The following COL6A5 variants were observed in gnomAD, a reference collection of about 807,000 sequenced individuals.
COL6A5 encodes collagen type VI alpha 5 chain.
A neutral mutation model predicts 65.6 loss-of-function variants in COL6A5; 48 were observed. The observed-to-expected ratio is 0.73, with a 90% CI of 0.58 to 0.93. COL6A5 has a LOEUF of 0.93. COL6A5 is among the 40% of genes least tolerant of loss of function. COL6A5 has a pLI of 0.00. For synonymous variants in COL6A5, 291 were observed against 322.8 expected (o/e 0.90, Z 1.05); for missense variants, 914 against 928.3 (o/e 0.98, Z 0.20).
intron 29 of COL6A5, among the ~76,000 whole-genome samples, chr3:130,424,395 A>G (rs1215344955): frequency 6.6e-6 from 1 of 152,054 alleles, no homozygotes; most frequent in Non-Finnish European, 1.5e-5. Flanking sequence ...GTTCTCAGGC[A>G]GAGTCAGGCA....
exon 12 of COL6A5, chr3:130,401,772 CAG>C (rs1475917050): frequency 6.4e-7 from 1 of 1,550,924 alleles, no homozygotes; most frequent in Non-Finnish European, 8.7e-7. Context: ...GGAAATATTG[CAG>C]AGAGGACTTG....
intron 7 of COL6A5, among the ~76,000 whole-genome samples, chr3:130,475,944 A>G (rs1327107219): frequency 6.6e-6 from 1 of 152,032 alleles, no homozygotes; most frequent in African/African-American, 2.4e-5. Context: ...CTTGCCAGTG[A>G]CTCTGTTTTG....
chr3:130,470,864 T>G lies in COL6A5; in HGVS notation c.2232-7T>G. On this transcript the variant is annotated splice_polypyrimidine_tract_variant and splice_region_variant and intron_variant, in intron 6 of 7. Coordinates refer to ENST00000512836, the Ensembl canonical transcript of COL6A5. ...AATTTAGACTAACCAGCCCACTCTC[T>G]CTCCAGGTGCCATCAACAAATATCC... is the stretch of plus-strand genomic sequence containing the variant. 6.2e-7 allele frequency: 1 copy of G among 1,606,288 alleles called. No individual in the cohort carries two copies. The highest frequency in any genetic ancestry group is 1.7e-5 in the Admixed American group (1 of 59,696).
chr3:130,369,536 C>T (rs1371087448), intron 1 of COL6A5, among the ~76,000 whole-genome samples: 1 of 152,052 alleles, frequency 6.6e-6, no homozygotes, highest in Admixed American at 6.6e-5. Flanking sequence ...GCTTTTTCTC[C>T]CTACTTCACC....
chr3:130,377,293 G>A (rs1482199766), intron 3 of COL6A5, among the ~76,000 whole-genome samples: 1 of 152,162 alleles, frequency 6.6e-6, no homozygotes, highest in African/African-American at 2.4e-5. Context: ...CAAGCACAGT[G>A]CCTGACAATG....
upstream of COL6A5, among the ~76,000 whole-genome samples, chr3:130,426,697 AC>A (rs1431088762): frequency 6.6e-6 from 1 of 152,038 alleles, no homozygotes; most frequent in East Asian, 1.9e-4. Context: ...CATTAGTATA[AC>A]AGTTATGAGC....
At chr3:130,440,505 C>G in exon 3 of COL6A5, 1 of 1,613,718 alleles carries the variant, frequency 6.2e-7, no homozygotes, top group Non-Finnish European at 8.5e-7. Context: ...AATGGAGAAG[C>G]AACAATTGGT....
At chr3:130,459,780 C>G (rs1458432894) in intron 5 of COL6A5, among the ~76,000 whole-genome samples, 1 of 151,580 alleles carries the variant, frequency 6.6e-6, no homozygotes, top group Non-Finnish European at 1.5e-5. Flanking sequence ...ATTCAAATAC[C>G]AAGTTTCAAA....
intron 29 of COL6A5, among the ~76,000 whole-genome samples, chr3:130,425,714 T>A (rs983795933): frequency 2.0e-5 from 3 of 152,150 alleles, no homozygotes; most frequent in African/African-American, 7.2e-5. Flanking sequence ...TAATGTTTAT[T>A]TTTCTGTGTA....
Position 130,409,320 on chromosome 3 carries a change from T to C in COL6A5, c.4480-6T>C, listed in dbSNP as rs1436913352. On this transcript the variant is annotated splice_region_variant and splice_polypyrimidine_tract_variant and intron_variant and NMD_transcript_variant, in intron 17 of 41. Transcript: ENST00000312481. Reference sequence around the variant, plus strand: ...CTAACTCAGAAATTCATTTCATTTTTTTCAGGGCAGCCCAGGTTCCAGAGG... The same window carrying C: ...CTAACTCAGAAATTCATTTCATTTTCTTCAGGGCAGCCCAGGTTCCAGAGG... 20 of 1,535,846 alleles carry C rather than the reference T, an allele frequency of 1.3e-5. No homozygotes were observed. Among genetic ancestry groups the C allele is most frequent in the Non-Finnish European group, 5.3e-6 (6 of 1,141,364 alleles).
chr3:130,400,922 TCCCC>T, intron 10 of COL6A5, 105 bp from the exon 11 acceptor site: 1 of 908,770 alleles, frequency 1.1e-6, no homozygotes, highest in African/African-American at 1.7e-5. Context: ...TTTGTTTTTT[TCCCC>T]TTTTCAATTC....
In COL6A5 at chr3:130,426,359, A is replaced by G; in HGVS notation, c.5200-8A>G. On this transcript the variant is annotated splice_polypyrimidine_tract_variant and splice_region_variant and intron_variant and NMD_transcript_variant, in intron 30 of 41. Transcript: ENST00000312481. ...TTTCTTTTCTCTCTCCTTTTTCAACATTTACAGCAATGTGATCTGATCCGG... is the reference window on the plus strand; with the variant it reads ...TTTCTTTTCTCTCTCCTTTTTCAACGTTTACAGCAATGTGATCTGATCCGG... The G allele has an allele frequency of 2.6e-6, 4 of 1,551,272 alleles. No homozygotes were observed. Among genetic ancestry groups the G allele is most frequent in the Non-Finnish European group, 3.5e-6 (4 of 1,146,722 alleles).
At chr3:130,405,946 A>G (rs1936973503) in intron 14 of COL6A5, 47 bp from the exon 15 acceptor site, 1 of 1,538,228 alleles carries the variant, frequency 6.5e-7, no homozygotes, top group East Asian at 2.4e-5. Flanking sequence ...CTTTGAATCC[A>G]CACTCTGTCT....
intron 7 of COL6A5, among the ~76,000 whole-genome samples, chr3:130,476,626 A>G (rs1003681260): frequency 6.6e-6 from 1 of 152,014 alleles, no homozygotes; most frequent in Non-Finnish European, 1.5e-5. Flanking sequence ...GGTGATTTCA[A>G]TGTGCATTCA....
rs966008480 is a variant in COL6A5 at position 130,384,965 on chromosome 3, G to A, written c.1462G>A (p.Asp488Asn). ...CCGAGTTGGAGTTGTGCAGTATTCAGATGACACAGAAGTGGAATTTTATAT... is the reference window on the plus strand; with the variant it reads ...CCGAGTTGGAGTTGTGCAGTATTCAAATGACACAGAAGTGGAATTTTATAT... The change falls in exon 5 of 42, where the codon GAT (aspartate) becomes AAT (asparagine). Residue 488 changes from aspartate (D) to asparagine (N), a missense_variant and NMD_transcript_variant. Transcript: ENST00000312481. 14 of 1,550,890 alleles carry A rather than the reference G, an allele frequency of 9.0e-6. No homozygotes were observed. In the African/African-American group the frequency reaches 1.6e-4, roughly 18 times the overall value.
At chr3:130,476,812 T>C in intron 7 of COL6A5, 1 of 617,698 alleles carries the variant, frequency 1.6e-6, no homozygotes, top group Non-Finnish European at 3.0e-6. Context: ...AAAAGTTTTC[T>C]GCATTTTTCT....
At chr3:130,345,868 G>A (rs1192096867) in exon 1 of COL6A5, 1 of 398,584 alleles carries the variant, frequency 2.5e-6, no homozygotes, top group East Asian at 3.6e-5. Flanking sequence ...CAACTGCGCC[G>A]CGGGCGCCCG....
chr3:130,448,609 G>A (rs1709358401), intron 4 of COL6A5, among the ~76,000 whole-genome samples: 1 of 152,066 alleles, frequency 6.6e-6, no homozygotes, highest in African/African-American at 2.4e-5. Flanking sequence ...GTAACACAGC[G>A]GCTCAAAATT....
chr3:130,455,605 A>G, exon 5 of COL6A5: 5 of 1,613,298 alleles, frequency 3.1e-6, no homozygotes, highest in Non-Finnish European at 4.2e-6. Context: ...TTGAGCCACA[A>G]AAATTAATGA....
Sources: gnomAD v4.1 joint callset for allele counts (sites outside exome capture counted in the v4.1 genomes callset) on GRCh38, gnomAD v4.1.1 for gene constraint, MANE v1.5 for transcripts, NCBI Gene and HGNC (gene_info 2026-07-23, HGNC 2026-07-21) for gene names.